Variants in CMKLR2 observed in about 807,000 individuals in gnomAD.
CMKLR2 encodes chemerin chemokine-like receptor 2.
In CMKLR2, 18 loss-of-function variants were observed where a neutral mutation model predicts 23.0. The observed-to-expected ratio is 0.78, with a 90% CI of 0.54 to 1.16. CMKLR2 has a LOEUF of 1.16. Ranked by LOEUF, CMKLR2 falls within the 50% of genes most tolerant of loss-of-function variation. CMKLR2 has a pLI of 0.00. For synonymous variants in CMKLR2, 158 were observed against 158.9 expected (o/e 0.99, Z 0.05); for missense variants, 401 against 412.7 (o/e 0.97, Z 0.25).
intron 1 of CMKLR2, among the ~76,000 whole-genome samples, chr2:206,197,438 G>C (rs1389593749): frequency 2.0e-5 from 3 of 152,146 alleles, no homozygotes; most frequent in Non-Finnish European, 4.4e-5. Context: ...AACACTTCAG[G>C]CACAGGACAT....
chr2:206,217,675 A>G (rs1420846290), upstream of CMKLR2: 2 of 152,192 alleles, frequency 1.3e-5, no homozygotes, highest in Non-Finnish European at 1.5e-5. Context: ...TTCACTTTTA[A>G]TATGCCAAAT....
At chr2:206,208,207 C>G (rs1028898658) in intron 1 of CMKLR2, among the ~76,000 whole-genome samples, 2 of 152,090 alleles carry the variant, frequency 1.3e-5, no homozygotes, top group Non-Finnish European at 2.9e-5. Flanking sequence ...ATGAATGTCT[C>G]GTGAAAGAAG....
intron 1 of CMKLR2, among the ~76,000 whole-genome samples, chr2:206,189,279 C>T (rs1688676350): frequency 6.6e-6 from 1 of 152,182 alleles, no homozygotes; most frequent in Non-Finnish European, 1.5e-5. Flanking sequence ...GAATGTGTCT[C>T]CTGTTAACAC....
intron 1 of CMKLR2, among the ~76,000 whole-genome samples, chr2:206,209,893 C>T (rs937768108): frequency 4.0e-5 from 6 of 151,760 alleles, no homozygotes; most frequent in African/African-American, 1.5e-4. Flanking sequence ...CATGATCCAC[C>T]CGCCTCGGCC....
intron 1 of CMKLR2, among the ~76,000 whole-genome samples, chr2:206,178,963 T>C (rs1405484147): frequency 6.6e-6 from 1 of 151,786 alleles, no homozygotes; most frequent in Non-Finnish European, 1.5e-5. Context: ...ATTGGATTTA[T>C]TAATCAGTTT....
intron 1 of CMKLR2, among the ~76,000 whole-genome samples, chr2:206,188,893 T>A (rs1463689405): frequency 2.6e-5 from 4 of 152,180 alleles, no homozygotes; most frequent in South Asian, 2.1e-4. Flanking sequence ...AGTGTAATAA[T>A]AAACAGTCTA....
At chr2:206,214,734 C>T (rs1689694109), upstream of CMKLR2, among the ~76,000 whole-genome samples, 1 of 152,052 alleles carries the variant, frequency 6.6e-6, no homozygotes, top group South Asian at 2.1e-4. Context: ...CGCCATTCTC[C>T]TGCCTTAGCC....
intron 1 of CMKLR2, among the ~76,000 whole-genome samples, chr2:206,190,156 C>T (rs1461548601): frequency 6.6e-6 from 1 of 152,062 alleles, no homozygotes; most frequent in East Asian, 1.9e-4. Context: ...AGCTGTAGTT[C>T]CCATGTCATT....
intron 1 of CMKLR2, among the ~76,000 whole-genome samples, chr2:206,198,108 G>T (rs11687428): frequency 6.6e-6 from 1 of 152,170 alleles, no homozygotes; most frequent in Non-Finnish European, 1.5e-5. Flanking sequence ...GAGCAGCGTA[G>T]GACCTTGTCT....
chr2:206,177,743 G>T (rs1450419805), intron 1 of CMKLR2, among the ~76,000 whole-genome samples: 2 of 152,080 alleles, frequency 1.3e-5, no homozygotes, highest in Non-Finnish European at 2.9e-5. Flanking sequence ...TCAAGTCTTG[G>T]TGAGCCTCAG....
intron 1 of CMKLR2, among the ~76,000 whole-genome samples, chr2:206,191,933 C>T (rs190092844): frequency 3.6e-4 from 55 of 151,502 alleles, no homozygotes; most frequent in African/African-American, 1.0e-3. Flanking sequence ...CTCTGCCTCC[C>T]GGGTTCACAC....
At chr2:206,213,022 C>A (rs1229689219) in intron 1 of CMKLR2, among the ~76,000 whole-genome samples, 1 of 152,174 alleles carries the variant, frequency 6.6e-6, no homozygotes, top group East Asian at 1.9e-4. Context: ...ACTGAAAGTT[C>A]TTTGTCCGCC....
At chr2:206,185,322 T>G (rs1688546008) in intron 1 of CMKLR2, among the ~76,000 whole-genome samples, 1 of 152,150 alleles carries the variant, frequency 6.6e-6, no homozygotes, top group Non-Finnish European at 1.5e-5. Flanking sequence ...TGAGAAAGAC[T>G]CGTTGAAAAA....
At chr2:206,206,917 C>CTGT (rs1689343751) in intron 1 of CMKLR2, among the ~76,000 whole-genome samples, 1 of 126,154 alleles carries the variant, frequency 7.9e-6, no homozygotes, top group Non-Finnish European at 1.6e-5. Flanking sequence ...CCCCCTGCCC[C>CTGT]TTTTTTTTTT....
At chr2:206,217,517 C>T (rs1042132806), upstream of CMKLR2, 8 of 152,112 alleles carry the variant, frequency 5.3e-5, no homozygotes, top group South Asian at 2.1e-4. Context: ...CTGTTTTGCC[C>T]GATGCAGAAA....
intron 1 of CMKLR2, among the ~76,000 whole-genome samples, chr2:206,194,458 CT>C (rs369564233): frequency 0.027 from 3,395 of 127,600 alleles, 16 homozygotes; most frequent in Non-Finnish European, 0.041. Flanking sequence ...TCGTTATGGG[CT>C]TTTTTTTTTT....
intron 1 of CMKLR2, among the ~76,000 whole-genome samples, chr2:206,188,733 G>C (rs146646427): frequency 1.3e-5 from 2 of 152,298 alleles, no homozygotes; most frequent in East Asian, 3.9e-4. Context: ...CTTCCACCTA[G>C]ATACTCAAAT....
At chr2:206,178,197 T>A (rs1576031935) in intron 1 of CMKLR2, among the ~76,000 whole-genome samples, 1 of 152,144 alleles carries the variant, frequency 6.6e-6, no homozygotes, top group Non-Finnish European at 1.5e-5. Context: ...CCCAGGAGTT[T>A]GAGGCTGCAG....
chr2:206,210,253 G>A (rs1019891279), intron 1 of CMKLR2, among the ~76,000 whole-genome samples: 31 of 152,086 alleles, frequency 2.0e-4, no homozygotes, highest in Admixed American at 2.0e-4. Context: ...CCTGTGTTTC[G>A]TTTTCTGTTC....
Sources: allele counts gnomAD v4.1 joint callset (sites outside exome capture counted in the v4.1 genomes callset), GRCh38; gene constraint gnomAD v4.1.1; transcripts MANE v1.5; gene names NCBI Gene and HGNC (gene_info 2026-07-23, HGNC 2026-07-21).